Variants in BORA observed in about 807,000 individuals in gnomAD.
The protein encoded by BORA is protein aurora borealis.
BORA carries 26 observed loss-of-function variants against 55.8 expected under a neutral mutation model. That is an observed-to-expected ratio of 0.47 (90% confidence interval 0.34 to 0.65). The LOEUF (loss-of-function observed/expected upper bound fraction) is 0.65. BORA is among the 30% of genes least tolerant of loss of function. The pLI, the probability that BORA is intolerant of heterozygous loss-of-function variation, is 0.01. For missense variants in BORA, 568 were observed against 671.5 expected (o/e 0.85, Z 1.70); for synonymous variants, 201 against 216.9 (o/e 0.93, Z 0.64).
chr13:72,753,985 T>C lies in BORA; in HGVS notation c.1614+164T>C, dbSNP rs186963145. 1,526 of 697,434 alleles carry C rather than the reference T, an allele frequency of 2.2e-3. 1 individual carries two copies. Among genetic ancestry groups the C allele is most frequent in the Non-Finnish European group, 3.3e-3 (1,422 of 434,980 alleles). 43.2% of individuals were successfully genotyped at this position (697,434 alleles called of 1,614,324 possible). On this transcript the variant is annotated intron_variant, in intron 11 of 11. Transcript: ENST00000390667. ...AATAACCTTTAAATATTTTGGTTAC[T>C]CTGAATACACAAGTATCTTACATAC... is the stretch of plus-strand genomic sequence containing the variant.
At chr13:72,744,599 A>T in intron 7 of BORA, 38 bp downstream of exon 7, 1 of 1,491,680 alleles carries the variant, frequency 6.7e-7, no homozygotes, top group South Asian at 1.2e-5. Flanking sequence ...AATAACTTGA[A>T]CCAAAGGTTT....
At chr13:72,745,391 ACTCATGACTGTATTCTCT>A (rs1044245371) in intron 8 of BORA, among the ~76,000 whole-genome samples, 184 bp downstream of exon 8, 2 of 152,080 alleles carry the variant, frequency 1.3e-5, no homozygotes, top group African/African-American at 4.8e-5. Context: ...GAAACTAAGA[ACTCATGACTGTATTCTCT>A]CCCTTGGACA....
chr13:72,749,789 T>G (rs963615673), intron 10 of BORA, among the ~76,000 whole-genome samples: 1 of 152,172 alleles, frequency 6.6e-6, no homozygotes, highest in African/African-American at 2.4e-5. Context: ...TATCCCATTT[T>G]ACTTAGTTAA....
chr13:72,744,443 A>T (rs1023985355), intron 6 of BORA, 62 bp from the exon 7 acceptor site: 4 of 1,356,824 alleles, frequency 2.9e-6, no homozygotes, highest in Non-Finnish European at 4.2e-6. Context: ...TGAATTGTAT[A>T]GTGTATACTT....
intron 11 of BORA, chr13:72,754,254 T>A (rs1477336902): frequency 6.3e-6 from 1 of 158,100 alleles, no homozygotes; most frequent in African/African-American, 2.4e-5. Context: ...CCTCGCAAAG[T>A]GCTGCGCGAT....
chr13:72,755,358 G>T lies in BORA; in HGVS notation c.*142G>T, dbSNP rs1211105271. 6.4e-6 allele frequency: 4 copies of T among 626,564 alleles called. No individual in the cohort carries two copies. The East Asian group carries it at 1.2e-4, about 18-fold the overall frequency. The allele number at this position is 626,564 out of a possible 1,614,324, so 38.8% of individuals were successfully genotyped here. On this transcript the variant is annotated 3_prime_UTR_variant, in exon 12 of 12. Transcript: ENST00000390667. ...CCCTCCTTAATGTGAAAAATCAAGGGCTTACTGACATAGGAACAACAGAAA... is the reference window on the plus strand; with the variant it reads ...CCCTCCTTAATGTGAAAAATCAAGGTCTTACTGACATAGGAACAACAGAAA...
intron 9 of BORA, among the ~76,000 whole-genome samples, 175 bp from the exon 10 acceptor site, chr13:72,746,326 T>C (rs565874610): frequency 6.6e-6 from 1 of 152,226 alleles, no homozygotes; most frequent in Non-Finnish European, 1.5e-5. Flanking sequence ...TCAAAGGAAA[T>C]TTAGCAATTT....
chr13:72,739,532 A>G (rs1435378404), intron 5 of BORA, among the ~76,000 whole-genome samples: 1 of 152,170 alleles, frequency 6.6e-6, no homozygotes, highest in Non-Finnish European at 1.5e-5. Context: ...TGGAAGGTAG[A>G]GATAGTGTGT....
At chr13:72,751,339 G>A (rs974738032) in intron 10 of BORA, among the ~76,000 whole-genome samples, 1 of 152,108 alleles carries the variant, frequency 6.6e-6, no homozygotes, top group Non-Finnish European at 1.5e-5. Flanking sequence ...GCCAGAATAT[G>A]GAATCACCCT....
chr13:72,743,550 T>C lies in BORA; in HGVS notation c.402T>C (p.Asn134=). 1.9e-6 allele frequency: 3 copies of C among 1,610,280 alleles called. No homozygotes were observed. Among genetic ancestry groups the C allele is most frequent in the Non-Finnish European group, 1.7e-6 (2 of 1,177,476 alleles). Residue 134 remains asparagine, a synonymous_variant, in exon 6 of 12, where the codon AAT becomes AAC. Coordinates refer to ENST00000390667, the MANE Select transcript of BORA (RefSeq NM_024808.5). The stretch of plus-strand genomic sequence containing the variant: ...AATGTCTTACAGGCACTAACATAAA[T>C]AGTGACTCTCCAGTTGGAAAAAAGC... ...QCHSSKCTNI[N]SDSPVGKKLT... is the part of the protein sequence containing the mutation.
At chr13:72,748,670 T>A (rs547584357) in intron 10 of BORA, among the ~76,000 whole-genome samples, 1 of 152,322 alleles carries the variant, frequency 6.6e-6, no homozygotes, top group South Asian at 2.1e-4. Context: ...CATATAGGCT[T>A]AAAAGTATAT....
Position 72,746,677 on chromosome 13 carries a change from C to G in BORA, c.1048C>G (p.Gln350Glu), listed in dbSNP as rs756911783. Residue 350 changes from glutamine (Q) to glutamate (E), a missense_variant, in exon 10 of 12, where the codon CAG (glutamine) becomes GAG (glutamate). Gln to Glu is a conservative substitution (Grantham distance 29, BLOSUM62 2). Coordinates refer to ENST00000390667, the MANE Select transcript of BORA (RefSeq NM_024808.5). ...TACTCAGTATCGGACCTCAGTGATT[C>G]AGATACCTTTTACTCTTGAGACTCA... ...GGTQYRTSVI[Q>E]IPFTLETQGE... The G allele has an allele frequency of 2.0e-5, 32 of 1,613,986 alleles. No individual in the cohort carries two copies. The South Asian group carries it at 3.0e-4, about 15-fold the overall frequency.
Position 72,743,564 on chromosome 13 carries a change from T to C in BORA, c.416T>C (p.Val139Ala). The C allele has an allele frequency of 6.2e-7, 1 of 1,611,074 alleles. No homozygotes were observed. Among genetic ancestry groups the C allele is most frequent in the Non-Finnish European group, 8.5e-7 (1 of 1,178,374 alleles). ...ACTAACATAAATAGTGACTCTCCAG[T>C]TGGAAAAAAGCTGACCATTCATTCT... ...KCTNINSDSPVGKKLTIHSEK... is the reference protein window; with the variant it reads ...KCTNINSDSPAGKKLTIHSEK... Residue 139 changes from valine (V) to alanine (A), a missense_variant, in exon 6 of 12, where the codon GTT (valine) becomes GCT (alanine). Val to Ala is a moderately conservative substitution (Grantham distance 64). Transcript: ENST00000390667.
At chr13:72,742,763 TATATACAC>T (rs1157091312) in intron 5 of BORA, among the ~76,000 whole-genome samples, 10 of 45,908 alleles carry the variant, frequency 2.2e-4, no homozygotes, top group South Asian at 1.1e-3. Context: ...GATATATATA[TATATACAC>T]ACACACACAC....
At chr13:72,731,194 CCATT>C (rs879030165) in intron 2 of BORA, 83 bp from the exon 3 acceptor site, 1 of 758,790 alleles carries the variant, frequency 1.3e-6, no homozygotes, top group Non-Finnish European at 2.2e-6. Flanking sequence ...CATATTATAA[CCATT>C]CATATTATTT....
chr13:72,754,931 C>T (rs908883490), intron 11 of BORA: 1 of 454,062 alleles, frequency 2.2e-6, no homozygotes, highest in Non-Finnish European at 4.0e-6. Context: ...CAGGGCTAGT[C>T]CCAAACTCCT....
chr13:72,753,793 A>G lies in BORA; in HGVS notation c.1586A>G (p.Glu529Gly), dbSNP rs777818620. 4.3e-6 allele frequency: 7 copies of G among 1,613,298 alleles called. No homozygotes were observed. The Admixed American group carries it at 5.0e-5, about 12-fold the overall frequency. ...KESDAQTCEVESKSQAFNMKQ... is the reference protein window; with the variant it reads ...KESDAQTCEVGSKSQAFNMKQ... ...AGTGATGCACAAACATGTGAAGTTG[A>G]GAGTAAATCTCAAGCATTTAATATG... The change falls in exon 11 of 12, where the codon GAG becomes GGG. Residue 529 changes from glutamate (E) to glycine (G), a missense_variant. By Grantham distance (98) the Glu-to-Gly change is moderately conservative. Coordinates refer to ENST00000390667, the MANE Select transcript of BORA (RefSeq NM_024808.5).
intron 5 of BORA, among the ~76,000 whole-genome samples, 174 bp from the exon 6 acceptor site, chr13:72,743,363 C>T (rs902537865): frequency 9.9e-5 from 15 of 151,378 alleles, no homozygotes; most frequent in Non-Finnish European, 1.9e-4. Context: ...CCTTGTATTC[C>T]CTCAAAGGTA....
chr13:72,744,316 C>T (rs1233511774), intron 6 of BORA, among the ~76,000 whole-genome samples, 189 bp from the exon 7 acceptor site: 7 of 152,132 alleles, frequency 4.6e-5, no homozygotes, highest in Admixed American at 1.3e-4. Flanking sequence ...ACACCAGTTG[C>T]GGAGAGTGTG....
Sources: gnomAD v4.1 joint callset for allele counts (sites outside exome capture counted in the v4.1 genomes callset) on GRCh38, gnomAD v4.1.1 for gene constraint, MANE v1.5 for transcripts, NCBI Gene and HGNC (gene_info 2026-07-23, HGNC 2026-07-21) for gene names.